The following KIAA0232 variants were observed in gnomAD, a reference collection of about 807,000 sequenced individuals.
The protein encoded by KIAA0232 is KIAA0232.
Under a neutral mutation model 122.0 loss-of-function variants are expected in KIAA0232, and 27 were observed. That is an observed-to-expected ratio of 0.22 (90% CI 0.16 to 0.31). The LOEUF is 0.31. KIAA0232 is among the 10% of genes least tolerant of loss of function. The pLI, the probability that KIAA0232 is intolerant of heterozygous loss-of-function variation, is 1.00. For synonymous variants in KIAA0232, 613 were observed against 587.6 expected, an observed-to-expected ratio of 1.04 and a Z score of -0.63; for missense variants, 1,551 against 1,634.2, an observed-to-expected ratio of 0.95 and a Z score of 0.88.
intron 3 of KIAA0232, among the ~76,000 whole-genome samples, chr4:6,831,869 G>T (rs1274188759): frequency 6.6e-6 from 1 of 152,188 alleles, no homozygotes; most frequent in African/African-American, 2.4e-5. Context: ...TCTTCAAAGG[G>T]CCACCTTTTT....
At chr4:6,854,300 A>T (rs1720459321) in intron 4 of KIAA0232, among the ~76,000 whole-genome samples, 1 of 152,118 alleles carries the variant, frequency 6.6e-6, no homozygotes, top group African/African-American at 2.4e-5. Flanking sequence ...GGGTCCAGAA[A>T]GAGGAAGTGG....
intron 1 of KIAA0232, among the ~76,000 whole-genome samples, chr4:6,786,937 C>T (rs1007422722): frequency 2.6e-5 from 4 of 152,208 alleles, no homozygotes; most frequent in South Asian, 2.1e-4. Flanking sequence ...AATTCCAGCA[C>T]CTTGGGAGGC....
At chr4:6,790,030 AG>A (rs1412466509) in intron 1 of KIAA0232, among the ~76,000 whole-genome samples, 1 of 152,164 alleles carries the variant, frequency 6.6e-6, no homozygotes, top group African/African-American at 2.4e-5. Context: ...CCCTGTCTCA[AG>A]AAAAAAAAAA....
Position 6,861,648 on chromosome 4 carries a change from C to T in KIAA0232, c.1266C>T (p.Thr422=). The change falls in exon 7 of 10, where the codon ACC becomes ACT. Residue 422 remains threonine (T), a synonymous_variant. Coordinates refer to ENST00000307659, the MANE Select transcript of KIAA0232 (RefSeq NM_014743.3). Reference sequence around the variant, plus strand: ...TGAGCAGAAAAAGTAAACTAGAGACCACATACCGAAACAGACAGGATACAA... The same window carrying T: ...TGAGCAGAAAAAGTAAACTAGAGACTACATACCGAAACAGACAGGATACAA... ...VPLSRKSKLE[T]TYRNRQDTSD... 1 of 1,613,962 alleles carries T rather than the reference C, an allele frequency of 6.2e-7. No individual in the cohort carries two copies. Among genetic ancestry groups the T allele is most frequent in the Non-Finnish European group, 8.5e-7 (1 of 1,180,010 alleles).
chr4:6,825,131 G>A (rs1171618405), intron 3 of KIAA0232, among the ~76,000 whole-genome samples: 1 of 152,138 alleles, frequency 6.6e-6, no homozygotes, highest in East Asian at 1.9e-4. Flanking sequence ...CTGCTTATTA[G>A]TCAGTATGTA....
intron 3 of KIAA0232, among the ~76,000 whole-genome samples, chr4:6,839,599 G>A (rs554911475): frequency 1.1e-4 from 17 of 152,200 alleles, no homozygotes; most frequent in Non-Finnish European, 2.1e-4. Context: ...GGAATAGTGT[G>A]TACAAAGACA....
At position 6,824,184 on chromosome 4, in the gene KIAA0232, G is replaced by T; in HGVS notation, c.-269-1G>T. 2.0e-6 allele frequency: 1 copy of T among 502,018 alleles called. No individual in the cohort carries two copies. The highest frequency in any genetic ancestry group is 3.5e-6 in the Non-Finnish European group (1 of 284,114). The allele number at this position is 502,018 out of a possible 1,614,324, so 31.1% of individuals were successfully genotyped here. ...CTTTTTTTCCTCTCTCATTTTTGTA[G>T]GTTCTGCCGGAGACTTCCATTTGGC... is the stretch of plus-strand genomic sequence containing the variant. On this transcript the variant is annotated splice_acceptor_variant, in intron 2 of 9. Transcript: ENST00000307659. LOFTEE classifies it low-confidence loss of function (5UTR_SPLICE).
chr4:6,840,494 T>C (rs1364531869), intron 3 of KIAA0232, among the ~76,000 whole-genome samples: 2 of 152,134 alleles, frequency 1.3e-5, no homozygotes, highest in Non-Finnish European at 1.5e-5. Flanking sequence ...CTCCCCCAGT[T>C]CCCAATCTCC....
chr4:6,836,356 C>A (rs978756076), intron 3 of KIAA0232, among the ~76,000 whole-genome samples: 6 of 147,824 alleles, frequency 4.1e-5, no homozygotes, highest in African/African-American at 1.5e-4. Flanking sequence ...TTTGGCTTTG[C>A]AAATCATATA....
At chr4:6,799,396 G>C (rs1717276664) in intron 1 of KIAA0232, among the ~76,000 whole-genome samples, 1 of 151,020 alleles carries the variant, frequency 6.6e-6, no homozygotes, top group African/African-American at 2.4e-5. Flanking sequence ...ACCTTTTTTG[G>C]GGGAAACAGT....
At chr4:6,816,164 T>G (rs1051479138) in intron 2 of KIAA0232, among the ~76,000 whole-genome samples, 2 of 152,188 alleles carry the variant, frequency 1.3e-5, no homozygotes, top group Admixed American at 1.3e-4. Context: ...TCTGATATCC[T>G]TGTATCCTCT....
intron 2 of KIAA0232, among the ~76,000 whole-genome samples, chr4:6,813,426 A>G (rs1717968362): frequency 1.3e-5 from 2 of 150,920 alleles, no homozygotes; most frequent in African/African-American, 4.9e-5. Flanking sequence ...GCAGTGGCGC[A>G]GTCTCGGCTC....
chr4:6,827,524 A>G (rs1718755795), intron 3 of KIAA0232, among the ~76,000 whole-genome samples: 1 of 152,180 alleles, frequency 6.6e-6, no homozygotes, highest in African/African-American at 2.4e-5. Flanking sequence ...CTGGGTGTTC[A>G]TTTCCTCACA....
At chr4:6,790,777 T>A (rs1577352055) in intron 1 of KIAA0232, among the ~76,000 whole-genome samples, 1 of 152,148 alleles carries the variant, frequency 6.6e-6, no homozygotes, top group African/African-American at 2.4e-5. Context: ...AGAGTAGACA[T>A]GTTTTTAATT....
chr4:6,829,593 A>G (rs767781594), intron 3 of KIAA0232, among the ~76,000 whole-genome samples: 25 of 152,250 alleles, frequency 1.6e-4, no homozygotes, highest in Non-Finnish European at 2.9e-4. Context: ...TCAGTCTGCA[A>G]GCCAAACCTC....
At chr4:6,821,449 C>T (rs865903950) in intron 2 of KIAA0232, among the ~76,000 whole-genome samples, 11 of 152,160 alleles carry the variant, frequency 7.2e-5, no homozygotes, top group South Asian at 6.2e-4. Context: ...GCTTAGCTCC[C>T]GCTTGTGAGT....
Position 6,863,855 on chromosome 4 carries a change from C to G in KIAA0232, c.3473C>G (p.Ala1158Gly), listed in dbSNP as rs1721026228. Residue 1158 changes from alanine to glycine, a missense_variant, in exon 7 of 10, where the codon GCA becomes GGA. This residue lies in a region of KIAA0232 where 1,108 missense variants were observed against 1,154.8 expected (regional missense o/e 0.96). Coordinates refer to ENST00000307659, the MANE Select transcript of KIAA0232 (RefSeq NM_014743.3). Reference protein sequence around the residue: ...QADLKPLEEDAEKEGHYYGKS... With the variant: ...QADLKPLEEDGEKEGHYYGKS... ...GATCTCAAACCTTTGGAAGAAGATG[C>G]AGAGAAAGAAGGCCATTACTATGGA... 6.2e-7 allele frequency: 1 copy of G among 1,614,082 alleles called. No individual in the cohort carries two copies. Among genetic ancestry groups the G allele is most frequent in the Non-Finnish European group, 8.5e-7 (1 of 1,180,014 alleles).
intron 2 of KIAA0232, among the ~76,000 whole-genome samples, chr4:6,817,922 CT>C: frequency 6.6e-6 from 1 of 152,146 alleles, no homozygotes; most frequent in South Asian, 2.1e-4. Flanking sequence ...ATGAATTGAC[CT>C]TCTTTATCTC....
In KIAA0232 at chr4:6,855,250, A is replaced by G. The variant is rs931569777; in HGVS notation, c.370-1914A>G. ...CAGGTGCCTGCCACCACGCCCAGCTAATTTTTTTTGTATTTTTAGTAGAAA... is the reference window on the plus strand; with the variant it reads ...CAGGTGCCTGCCACCACGCCCAGCTGATTTTTTTTGTATTTTTAGTAGAAA... On this transcript the variant is annotated intron_variant, in intron 4 of 9. Coordinates refer to ENST00000307659, the MANE Select transcript of KIAA0232 (RefSeq NM_014743.3). The surrounding 1 kb of genome is among the most constrained non-coding windows in gnomAD (Gnocchi z 4.3). Among the ~76,000 whole-genome samples the G allele has an allele frequency of 6.6e-6, 1 of 151,680 alleles. No homozygotes were observed. Among genetic ancestry groups the G allele is most frequent in the African/African-American group, 2.4e-5 (1 of 41,162 alleles).
Sources: allele counts gnomAD v4.1 joint callset (sites outside exome capture counted in the v4.1 genomes callset), GRCh38; gene constraint gnomAD v4.1.1; regional missense constraint gnomAD v4.1.1; non-coding constraint Gnocchi (gnomAD v3.1); transcripts MANE v1.5; gene names NCBI Gene and HGNC (gene_info 2026-07-23, HGNC 2026-07-21).